The following FSD1L variants were observed in gnomAD, a reference collection of about 807,000 sequenced individuals.
The protein encoded by FSD1L is FSD1-like protein.
Under a neutral mutation model 71.6 loss-of-function variants are expected in FSD1L, and 45 were observed. The ratio of observed to expected loss-of-function variants is 0.63; its 90% CI spans 0.49 to 0.81. The LOEUF (loss-of-function observed/expected upper bound fraction) is 0.81, where lower values mean the gene tolerates loss of function less well. Among genes scored for constraint, FSD1L ranks in the 30% least tolerant of loss-of-function variants. The pLI is 0.00. For synonymous variants in FSD1L, 197 were observed against 207.2 expected, an observed-to-expected ratio of 0.95 and a Z score of 0.42; for missense variants, 561 against 618.1, an observed-to-expected ratio of 0.91 and a Z score of 0.98.
chr9:105,545,931 C>G (rs1791390696), intron 13 of FSD1L, among the ~76,000 whole-genome samples: 1 of 151,984 alleles, frequency 6.6e-6, no homozygotes, highest in South Asian at 2.1e-4. Flanking sequence ...TTACTGTTAA[C>G]TGAGGGGTGT....
At chr9:105,484,135 A>G (rs902897607) in intron 6 of FSD1L, among the ~76,000 whole-genome samples, 2 of 152,144 alleles carry the variant, frequency 1.3e-5, no homozygotes, top group Admixed American at 6.5e-5. Flanking sequence ...TATATATGCA[A>G]TTTAATAAAA....
intron 10 of FSD1L, chr9:105,520,818 G>A: frequency 6.2e-7 from 1 of 1,612,212 alleles, no homozygotes; most frequent in Non-Finnish European, 8.5e-7. Context: ...CACTATAGAA[G>A]AAATCACTCC....
intron 10 of FSD1L, chr9:105,522,286 ATAG>A: frequency 6.2e-7 from 1 of 1,613,790 alleles, no homozygotes; most frequent in Non-Finnish European, 8.5e-7. Context: ...AGGAATTTAT[ATAG>A]TTTGGATCTC....
chr9:105,451,216 C>T (rs913519352), intron 1 of FSD1L, among the ~76,000 whole-genome samples: 1 of 152,256 alleles, frequency 6.6e-6, no homozygotes, highest in Non-Finnish European at 1.5e-5. Flanking sequence ...GCCTCGGCCT[C>T]CCAAAGTGCT....
At chr9:105,520,265 A>T (rs1456621595) in intron 10 of FSD1L, 2 of 1,586,500 alleles carry the variant, frequency 1.3e-6, no homozygotes, top group Non-Finnish European at 1.7e-6. Flanking sequence ...AAGAAGATGC[A>T]TTCATCCAGA....
chr9:105,481,911 T>A (rs1832229745), intron 6 of FSD1L, among the ~76,000 whole-genome samples: 1 of 152,008 alleles, frequency 6.6e-6, no homozygotes, highest in South Asian at 2.1e-4. Flanking sequence ...CAGCTGGGAC[T>A]GCAGGCACGT....
intron 9 of FSD1L, 137 bp from the exon 10 acceptor site, chr9:105,512,670 G>C: frequency 2.2e-6 from 1 of 455,308 alleles, no homozygotes; most frequent in Non-Finnish European, 3.9e-6. Context: ...TTAAGTGCTA[G>C]GATTATGAAT....
At chr9:105,525,320 C>G in intron 10 of FSD1L, 2 of 1,606,012 alleles carry the variant, frequency 1.2e-6, no homozygotes, top group South Asian at 1.1e-5. Context: ...TTGGGTGTTA[C>G]TAGTCCTGAA....
At chr9:105,510,932 A>G (rs1302367164) in intron 9 of FSD1L, among the ~76,000 whole-genome samples, 1 of 151,474 alleles carries the variant, frequency 6.6e-6, no homozygotes, top group Non-Finnish European at 1.5e-5. Flanking sequence ...GGGAACCAGT[A>G]TCTAGTTATA....
intron 7 of FSD1L, among the ~76,000 whole-genome samples, chr9:105,499,671 G>A (rs1271154235): frequency 3.3e-5 from 5 of 151,264 alleles, no homozygotes; most frequent in Non-Finnish European, 7.4e-5. Flanking sequence ...ATGGCAGGGA[G>A]CATTTATTTT....
intron 10 of FSD1L, chr9:105,513,471 T>A (rs1021070781): frequency 8.7e-6 from 5 of 575,984 alleles, no homozygotes; most frequent in Non-Finnish European, 1.4e-5. Context: ...TGAAGATAAA[T>A]GCCATTGTGA....
intron 4 of FSD1L, among the ~76,000 whole-genome samples, chr9:105,471,026 T>A (rs939965060): frequency 2.6e-5 from 4 of 152,076 alleles, no homozygotes; most frequent in African/African-American, 9.7e-5. Context: ...CCCTTTTCCC[T>A]CCCTGTACTT....
chr9:105,455,901 G>A (rs1476224190), intron 1 of FSD1L, among the ~76,000 whole-genome samples: 2 of 152,158 alleles, frequency 1.3e-5, no homozygotes, highest in African/African-American at 4.8e-5. Flanking sequence ...GGTATTTGCA[G>A]GGGCTCTAGA....
chr9:105,493,205 T>G (rs2131761233), intron 7 of FSD1L, among the ~76,000 whole-genome samples: 1 of 152,136 alleles, frequency 6.6e-6, no homozygotes, highest in African/African-American at 2.4e-5. Flanking sequence ...GCATATATAT[T>G]TAGGCTAGTT....
chr9:105,458,273 A>T (rs1830478146), intron 1 of FSD1L, among the ~76,000 whole-genome samples: 1 of 152,076 alleles, frequency 6.6e-6, no homozygotes. Flanking sequence ...CCTGCAGTTC[A>T]TGTCACTGTC....
intron 1 of FSD1L, among the ~76,000 whole-genome samples, chr9:105,460,944 T>C (rs149872591): frequency 0.01 from 1,564 of 152,316 alleles, 36 homozygotes; most frequent in African/African-American, 0.036. Context: ...TAAAATGTCT[T>C]TCACCTTCTA....
rs151003531 is a variant in FSD1L, at chr9:105,523,980, T to G, written c.1026-10513T>G. ...ACAAGTTCTTCTGGGATCTTTGGTT[T>G]GCTTTCCCAACTTATATTGTGAACT... is the stretch of plus-strand genomic sequence containing the variant. On this transcript the variant is annotated intron_variant, in intron 10 of 13. Coordinates refer to ENST00000481272, the MANE Select transcript of FSD1L (RefSeq NM_001145313.3). The G allele has an allele frequency of 2.6e-4, 411 of 1,596,242 alleles. 2 individuals are homozygous for G. In the African/African-American group the frequency reaches 5.0e-3, roughly 19 times the overall value.
chr9:105,494,477 G>A (rs924502037), intron 7 of FSD1L, among the ~76,000 whole-genome samples: 11 of 151,330 alleles, frequency 7.3e-5, no homozygotes, highest in African/African-American at 1.5e-4. Context: ...TAGTTTGATC[G>A]TCTGAGGCCT....
intron 10 of FSD1L, chr9:105,524,199 G>T (rs1223961120): frequency 1.9e-6 from 3 of 1,612,084 alleles, no homozygotes; most frequent in Non-Finnish European, 2.5e-6. Flanking sequence ...TCAAATTAAG[G>T]AAGCTCTGAA....
Sources: allele counts gnomAD v4.1 joint callset (sites outside exome capture counted in the v4.1 genomes callset), GRCh38; gene constraint gnomAD v4.1.1; transcripts MANE v1.5; gene names NCBI Gene and HGNC (gene_info 2026-07-23, HGNC 2026-07-21).